The following RSU1 variants were observed in gnomAD, a reference collection of about 807,000 sequenced individuals.
RSU1 encodes the protein Ras suppressor protein 1, also known as rsu-1.
A neutral mutation model predicts 31.1 loss-of-function variants in RSU1; 26 were observed. The observed-to-expected ratio is 0.84, with a 90% confidence interval of 0.61 to 1.16. The LOEUF is 1.16. Ranked by LOEUF, RSU1 falls within the 50% of genes most tolerant of loss-of-function variation. RSU1 has a pLI of 0.00. For missense variants in RSU1, 320 were observed against 339.1 expected, an observed-to-expected ratio of 0.94 and a Z score of 0.44; for synonymous variants, 164 against 136.3, an observed-to-expected ratio of 1.20 and a Z score of -1.41.
intron 2 of RSU1, among the ~76,000 whole-genome samples, chr10:16,806,905 C>A (rs1310523586): frequency 6.6e-6 from 1 of 152,158 alleles, no homozygotes; most frequent in African/African-American, 2.4e-5. Flanking sequence ...AGGCATGTAC[C>A]ACCACACCCA....
At chr10:16,593,559 G>C (rs1833551590) in intron 8 of RSU1, 63 bp from the exon 9 acceptor site, 2 of 1,272,198 alleles carry the variant, frequency 1.6e-6, no homozygotes, top group South Asian at 2.4e-5. Flanking sequence ...GCTTTCACTG[G>C]AAGAGCTTTC....
At chr10:16,639,457 G>C (rs975876775) in intron 8 of RSU1, among the ~76,000 whole-genome samples, 1 of 152,150 alleles carries the variant, frequency 6.6e-6, no homozygotes, top group Non-Finnish European at 1.5e-5. Context: ...CAATCCTATT[G>C]ATTAGTATTA....
chr10:16,723,951 T>A (rs942727390), intron 7 of RSU1, among the ~76,000 whole-genome samples: 7 of 152,190 alleles, frequency 4.6e-5, no homozygotes, highest in African/African-American at 9.7e-5. Context: ...TTTTTATTTA[T>A]TTTTTTGAGA....
chr10:16,709,344 C>A (rs1042820160), intron 7 of RSU1, among the ~76,000 whole-genome samples: 2 of 152,174 alleles, frequency 1.3e-5, no homozygotes, highest in Non-Finnish European at 2.9e-5. Flanking sequence ...TTTATGGCTG[C>A]ATACTATTCC....
At chr10:16,643,846 A>C (rs998239633) in intron 8 of RSU1, among the ~76,000 whole-genome samples, 1 of 152,094 alleles carries the variant, frequency 6.6e-6, no homozygotes, top group Non-Finnish European at 1.5e-5. Flanking sequence ...AAAAATACTC[A>C]AAGAAAAAAC....
chr10:16,645,957 CATATATGTGTATATAT>C lies in RSU1; in HGVS notation c.731+49050_731+49065del, dbSNP rs2131508342. On this transcript the variant is annotated intron_variant, in intron 8 of 8. Transcript: ENST00000345264. ...ATATGTGTATATATATGTGTATATA[CATATATGTGTATATAT>C]ATGTGTATATACATATATGTGTATA... Among the ~76,000 whole-genome samples, 3 of 36,340 alleles carry C rather than the reference CATATATGTGTATATAT, an allele frequency of 8.3e-5. 1 individual carries two copies. Among genetic ancestry groups the C allele is most frequent in the African/African-American group, 4.0e-4 (3 of 7,436 alleles). The allele number at this position is 36,340 out of a possible 152,430, so 23.8% of individuals were successfully genotyped here. A position where few individuals can be genotyped will look rare whatever the true frequency, so the allele number is the denominator to read the frequency against.
intron 2 of RSU1, among the ~76,000 whole-genome samples, chr10:16,805,489 G>A (rs1430972681): frequency 1.3e-5 from 2 of 151,676 alleles, no homozygotes; most frequent in Non-Finnish European, 2.9e-5. Context: ...GGCTAACACG[G>A]TGAAACCCTG....
intron 8 of RSU1, among the ~76,000 whole-genome samples, chr10:16,686,145 C>A (rs1376475599): frequency 1.3e-5 from 2 of 152,112 alleles, no homozygotes; most frequent in Non-Finnish European, 2.9e-5. Context: ...CCCCACAAAA[C>A]CTCCAACAAT....
At chr10:16,764,346 T>C (rs1837269623) in intron 4 of RSU1, 44 bp downstream of exon 4, 1 of 1,572,278 alleles carries the variant, frequency 6.4e-7, no homozygotes, top group African/African-American at 1.4e-5. Context: ...GCATGCCCCT[T>C]CCACTCTCTT....
chr10:16,593,861 G>C (rs749711775), intron 8 of RSU1, among the ~76,000 whole-genome samples: 1 of 152,202 alleles, frequency 6.6e-6, no homozygotes, highest in Non-Finnish European at 1.5e-5. Context: ...AGTGAAAAGC[G>C]AGCATGATGC....
At chr10:16,731,174 C>G (rs989831332) in intron 7 of RSU1, among the ~76,000 whole-genome samples, 13 of 152,234 alleles carry the variant, frequency 8.5e-5, no homozygotes, top group African/African-American at 3.1e-4. Context: ...TATGTTCCAT[C>G]ATCTACTAGT....
At chr10:16,766,448 G>C (rs115238770) in intron 3 of RSU1, among the ~76,000 whole-genome samples, 1,748 of 152,286 alleles carry the variant, frequency 0.011, 30 homozygotes, top group African/African-American at 0.039. Flanking sequence ...GGGAGCGGTG[G>C]CTCACACCTG....
intron 8 of RSU1, among the ~76,000 whole-genome samples, chr10:16,653,480 T>G (rs1423133131): frequency 6.6e-6 from 1 of 152,168 alleles, no homozygotes; most frequent in Admixed American, 6.5e-5. Flanking sequence ...ACAGGATGGA[T>G]GAGTATAAAT....
chr10:16,753,649 A>T (rs1270789806), intron 5 of RSU1, among the ~76,000 whole-genome samples: 1 of 152,242 alleles, frequency 6.6e-6, no homozygotes, highest in Non-Finnish European at 1.5e-5. Context: ...GTAGTCAGAA[A>T]TTTGTTCATA....
chr10:16,631,015 T>G (rs551557259), intron 8 of RSU1, among the ~76,000 whole-genome samples: 1 of 152,222 alleles, frequency 6.6e-6, no homozygotes. Context: ...ATCTGCATTG[T>G]TTTCAGTTTA....
Position 16,782,102 on chromosome 10 carries a change from A to G in RSU1, c.110-18T>C, listed in dbSNP as rs1301659264. 2 of 1,607,206 alleles carry G rather than the reference A, an allele frequency of 1.2e-6. No individual in the cohort carries two copies. Among genetic ancestry groups the G allele is most frequent in the African/African-American group, 1.3e-5 (1 of 74,616 alleles). ...TAAGGTAACTAAAAAGAAAAGAAAA[A>G]AAAAAAGGTCAGTCAGTAAATGTAT... On this transcript the variant is annotated intron_variant, in intron 2 of 8. Coordinates refer to ENST00000345264, the MANE Select transcript of RSU1 (RefSeq NM_012425.4).
chr10:16,769,655 T>A (rs1837383231), intron 3 of RSU1, among the ~76,000 whole-genome samples: 1 of 152,268 alleles, frequency 6.6e-6, no homozygotes, highest in African/African-American at 2.4e-5. Context: ...GGGATGCCGA[T>A]GTTGCTGGTC....
intron 8 of RSU1, among the ~76,000 whole-genome samples, chr10:16,680,695 C>T (rs114041520): frequency 0.015 from 2,301 of 152,262 alleles, 66 homozygotes; most frequent in East Asian, 0.12. Context: ...TCACTCATCA[C>T]CAAGAGGACG....
chr10:16,762,707 AT>A (rs906044002), intron 4 of RSU1, among the ~76,000 whole-genome samples: 1 of 151,962 alleles, frequency 6.6e-6, no homozygotes, highest in African/African-American at 2.4e-5. Flanking sequence ...CATGAATGAG[AT>A]TTTTTTTCAT....
Sources: allele counts gnomAD v4.1 joint callset (sites outside exome capture counted in the v4.1 genomes callset), GRCh38; gene constraint gnomAD v4.1.1; transcripts MANE v1.5; gene names NCBI Gene and HGNC (gene_info 2026-07-23, HGNC 2026-07-21).